HS3ST3B1: variants seen among roughly 807,000 people sequenced by gnomAD.
HS3ST3B1 encodes heparan sulfate-glucosamine 3-sulfotransferase 3B1.
In HS3ST3B1, 13 loss-of-function variants were observed where a neutral mutation model predicts 21.3. That is an observed-to-expected ratio of 0.61 (90% confidence interval 0.40 to 0.97). The LOEUF is 0.97. HS3ST3B1 is among the 50% of genes least tolerant of loss of function. HS3ST3B1 has a pLI of 0.00. For synonymous variants in HS3ST3B1, 234 were observed against 254.8 expected (o/e 0.92, Z 0.78); for missense variants, 459 against 554.8 (o/e 0.83, Z 1.73).
rs937065115 is a variant in HS3ST3B1, at chr17:14,303,061, T to G, written c.554+989T>G. On this transcript the variant is annotated intron_variant, in intron 1 of 1. Coordinates refer to ENST00000360954, the MANE Select transcript of HS3ST3B1 (RefSeq NM_006041.3). This position sits in a 1 kb window ranked among gnomAD's most constrained non-coding sequence, Gnocchi z 5.7. ...CCACTGCTTTCCGCAGCTGCTGGTC[T>G]TTGGGGTGAGCTGTTGGGTTGCCCG... is the stretch of plus-strand genomic sequence containing the variant. Among the ~76,000 whole-genome samples the G allele has an allele frequency of 6.6e-6, 1 of 152,140 alleles. No individual in the cohort carries two copies. The highest frequency in any genetic ancestry group is 2.4e-5 in the African/African-American group (1 of 41,422).
At position 14,346,305 on chromosome 17, in the gene HS3ST3B1, C is replaced by T. The variant is rs1450481415; in HGVS notation, c.*659C>T. On this transcript the variant is annotated 3_prime_UTR_variant, in exon 2 of 2. Coordinates refer to ENST00000360954, the MANE Select transcript of HS3ST3B1 (RefSeq NM_006041.3). Reference sequence around the variant, plus strand: ...CTTGCTCTTGTTGCCCAGGCTGGGGCGTAATGGTGTGATATATGCTTACCA... The same window carrying T: ...CTTGCTCTTGTTGCCCAGGCTGGGGTGTAATGGTGTGATATATGCTTACCA... 2.6e-5 allele frequency: 3 copies of T among 117,142 alleles called. No homozygotes were observed. The highest frequency in any genetic ancestry group is 2.9e-4 in the East Asian group (1 of 3,502). 7.3% of individuals were successfully genotyped at this position (117,142 alleles called of 1,614,324 possible).
intron 1 of HS3ST3B1, among the ~76,000 whole-genome samples, chr17:14,336,173 C>T (rs1055222616): frequency 6.6e-5 from 10 of 152,312 alleles, no homozygotes; most frequent in East Asian, 1.9e-4. Flanking sequence ...CTGCAGCTTG[C>T]TCTCCTCTCT....
At chr17:14,337,494 A>ATTTTTT (rs5819471) in intron 1 of HS3ST3B1, among the ~76,000 whole-genome samples, 7 of 140,936 alleles carry the variant, frequency 5.0e-5, no homozygotes, top group Non-Finnish European at 6.1e-5. Context: ...TGCCTGGCTA[A>ATTTTTT]TTTTTTTTTT....
Position 14,346,247 on chromosome 17 carries a change from CTTTTTTTTT to C in HS3ST3B1, c.*615_*623del, listed in dbSNP as rs71352467. On this transcript the variant is annotated 3_prime_UTR_variant, in exon 2 of 2. Transcript: ENST00000360954. ...AGGGACATCCACATCCTTTTTTTTT[CTTTTTTTTT>C]TTTTTTTTTTTTTGAGATGGAGTCT... 1.3e-4 allele frequency: 12 copies of C among 90,342 alleles called. No homozygotes were observed. Among genetic ancestry groups the C allele is most frequent in the African/African-American group, 3.2e-4 (7 of 22,172 alleles). 5.6% of individuals were successfully genotyped at this position (90,342 alleles called of 1,614,324 possible).
Position 14,336,748 on chromosome 17 carries a change from C to T in HS3ST3B1, c.555-8280C>T, listed in dbSNP as rs73257319. ...GCCTCAATATTGGGAAAAAGGAAAACAGGAATTTATGCCATTAATTCATCT... is the reference window on the plus strand; with the variant it reads ...GCCTCAATATTGGGAAAAAGGAAAATAGGAATTTATGCCATTAATTCATCT... On this transcript the variant is annotated intron_variant, in intron 1 of 1. Coordinates refer to ENST00000360954, the MANE Select transcript of HS3ST3B1 (RefSeq NM_006041.3). Among the ~76,000 whole-genome samples, 1,262 of 152,278 alleles carry T rather than the reference C, an allele frequency of 8.3e-3. 15 individuals carry two copies. The highest frequency in any genetic ancestry group is 0.029 in the African/African-American group (1,224 of 41,564).
Position 14,301,494 on chromosome 17 carries a change from C to G in HS3ST3B1, c.-25C>G, listed in dbSNP as rs1251144431. On this transcript the variant is annotated 5_prime_UTR_variant, in exon 1 of 2. Transcript: ENST00000360954. ...ACCCACGCCATGTGCTGAGCCATGT[C>G]CCTGGCCGCGCCCGCGGGCAGCGCA... is the stretch of plus-strand genomic sequence containing the variant. 1 of 1,485,888 alleles carries G rather than the reference C, an allele frequency of 6.7e-7. No individual in the cohort carries two copies. Among genetic ancestry groups the G allele is most frequent in the African/African-American group, 1.4e-5 (1 of 69,734 alleles). 92.0% of individuals were successfully genotyped at this position (1,485,888 alleles called of 1,614,324 possible). A position where few individuals can be genotyped will look rare whatever the true frequency, so the allele number is the denominator to read the frequency against.
chr17:14,301,763 A>G lies in HS3ST3B1; in HGVS notation c.245A>G (p.Asp82Gly). 2 of 1,578,496 alleles carry G rather than the reference A, an allele frequency of 1.3e-6. No individual in the cohort carries two copies. Among genetic ancestry groups the G allele is most frequent in the Non-Finnish European group, 1.7e-6 (2 of 1,163,204 alleles). The change falls in exon 1 of 2, where the codon GAC becomes GGC. Residue 82 changes from aspartate (D) to glycine (G), a missense_variant. Physicochemically the swap from Asp to Gly is moderately conservative, Grantham distance 94 (BLOSUM62 -1). Transcript: ENST00000360954. Reference protein sequence around the residue: ...HDPPALATAPDGTPPRLPFRA... With the variant: ...HDPPALATAPGGTPPRLPFRA... ...CCGCCAGCCCTGGCCACAGCTCCGGACGGGACGCCCCCCAGGCTGCCGTTC... is the reference window on the plus strand; with the variant it reads ...CCGCCAGCCCTGGCCACAGCTCCGGGCGGGACGCCCCCCAGGCTGCCGTTC...
chr17:14,318,130 C>T (rs1481680972), intron 1 of HS3ST3B1, among the ~76,000 whole-genome samples: 4 of 152,100 alleles, frequency 2.6e-5, no homozygotes, highest in African/African-American at 4.8e-5. Context: ...TAAGCACCTT[C>T]GTTCTGTGGT....
intron 1 of HS3ST3B1, among the ~76,000 whole-genome samples, chr17:14,316,467 A>T (rs920218174): frequency 5.3e-5 from 8 of 152,004 alleles, no homozygotes; most frequent in African/African-American, 1.7e-4. Context: ...TCTGTTTTCA[A>T]AGGTAAGTGT....
intron 1 of HS3ST3B1, among the ~76,000 whole-genome samples, chr17:14,322,106 A>G (rs758048): frequency 0.35 from 52,502 of 151,668 alleles, 10,928 homozygotes; most frequent in Non-Finnish European, 0.47. Context: ...GGAAAAGAAG[A>G]CAAAAACCTC....
In HS3ST3B1 at chr17:14,344,971, C is replaced by T. The variant is rs899669811; in HGVS notation, c.555-57C>T. ...GGGATTAGAAGTCGTGACCTTAAGA[C>T]GTGTGGCCAGAGAGGCGTCACCTTC... On this transcript the variant is annotated intron_variant, in intron 1 of 1. Transcript: ENST00000360954. 11 of 1,575,796 alleles carry T rather than the reference C, an allele frequency of 7.0e-6. No individual in the cohort carries two copies. The East Asian group carries it at 1.3e-4, about 19-fold the overall frequency.
chr17:14,339,997 C>T lies in HS3ST3B1; in HGVS notation c.555-5031C>T, dbSNP rs114940476. ...GAATGGAAAGAACTTGACTCCAGGACTGCGCGGTTGTAGGGTGAGGGTGGC... is the reference window on the plus strand; with the variant it reads ...GAATGGAAAGAACTTGACTCCAGGATTGCGCGGTTGTAGGGTGAGGGTGGC... On this transcript the variant is annotated intron_variant, in intron 1 of 1. Transcript: ENST00000360954. 8.4e-3 allele frequency among the ~76,000 whole-genome samples: 1,273 copies of T among 152,240 alleles called. 32 individuals are homozygous for T. Among genetic ancestry groups the T allele is most frequent in the African/African-American group, 0.029 (1,191 of 41,544 alleles).
In HS3ST3B1 at chr17:14,301,379, C is replaced by A; in HGVS notation, c.-140C>A. 2 of 681,724 alleles carry A rather than the reference C, an allele frequency of 2.9e-6. No homozygotes were observed. Among genetic ancestry groups the A allele is most frequent in the South Asian group, 6.4e-5 (2 of 31,242 alleles). 42.2% of individuals were successfully genotyped at this position (681,724 alleles called of 1,614,324 possible). On this transcript the variant is annotated 5_prime_UTR_variant, in exon 1 of 2. Coordinates refer to ENST00000360954, the MANE Select transcript of HS3ST3B1 (RefSeq NM_006041.3). ...ACCTGGGGAAGAGCAGCAGCAGCAGCGGCGGCCGCGGGCACACGGGGGCAA... is the reference window on the plus strand; with the variant it reads ...ACCTGGGGAAGAGCAGCAGCAGCAGAGGCGGCCGCGGGCACACGGGGGCAA...
At chr17:14,322,093 A>G (rs184734477) in intron 1 of HS3ST3B1, among the ~76,000 whole-genome samples, 1 of 151,434 alleles carries the variant, frequency 6.6e-6, no homozygotes, top group African/African-American at 2.4e-5. Flanking sequence ...TAATTGTCGG[A>G]TAGGAAAAGA....
At chr17:14,342,363 G>C (rs1209990239) in intron 1 of HS3ST3B1, among the ~76,000 whole-genome samples, 3 of 152,102 alleles carry the variant, frequency 2.0e-5, no homozygotes, top group Non-Finnish European at 4.4e-5. Context: ...ATAATAGCAG[G>C]CACCCAATAA....
chr17:14,302,814 G>T (rs1036395763), intron 1 of HS3ST3B1, among the ~76,000 whole-genome samples: 4 of 152,222 alleles, frequency 2.6e-5, no homozygotes, highest in African/African-American at 4.8e-5. Context: ...GGGCACCGCC[G>T]CCCGTTTCCG....
chr17:14,317,213 C>A (rs191275194), intron 1 of HS3ST3B1, among the ~76,000 whole-genome samples: 1 of 152,198 alleles, frequency 6.6e-6, no homozygotes. Context: ...GCTTTCTGTG[C>A]GGCCTTGTGA....
Position 14,348,792 on chromosome 17 carries a change from A to G in HS3ST3B1, c.*3146A>G, listed in dbSNP as rs909321992. 2.0e-5 allele frequency: 3 copies of G among 152,108 alleles called. No homozygotes were observed. Among genetic ancestry groups the G allele is most frequent in the Admixed American group, 6.6e-5 (1 of 15,266 alleles). The allele number at this position is 152,108 out of a possible 1,614,324, so 9.4% of individuals were successfully genotyped here. On this transcript the variant is annotated 3_prime_UTR_variant, in exon 2 of 2. Coordinates refer to ENST00000360954, the MANE Select transcript of HS3ST3B1 (RefSeq NM_006041.3). ...AAAAATTGAGGTTTTTCTTGTTTCT[A>G]TCTAGTTCATGCTTTCTTTGCGGTG...
At chr17:14,311,257 C>G (rs1909297233) in intron 1 of HS3ST3B1, among the ~76,000 whole-genome samples, 1 of 135,182 alleles carries the variant, frequency 7.4e-6, no homozygotes, top group South Asian at 2.5e-4. Flanking sequence ...AAAAAAAAAA[C>G]TGTAGAGATG....
Sources: allele counts gnomAD v4.1 joint callset (sites outside exome capture counted in the v4.1 genomes callset), GRCh38; gene constraint gnomAD v4.1.1; non-coding constraint Gnocchi (gnomAD v3.1); transcripts MANE v1.5; gene names NCBI Gene and HGNC (gene_info 2026-07-23, HGNC 2026-07-21).